Variants in ACSBG1 observed in about 807,000 individuals in gnomAD.
ACSBG1 encodes the protein long-chain-fatty-acid--CoA ligase ACSBG1.
A neutral mutation model predicts 80.2 loss-of-function variants in ACSBG1; 39 were observed. That is an observed-to-expected ratio of 0.49 (90% CI 0.38 to 0.64). The LOEUF (loss-of-function observed/expected upper bound fraction) is 0.64, where lower values mean the gene tolerates loss of function less well. Ranked by LOEUF, ACSBG1 falls within the 30% of genes least tolerant of loss-of-function variation. The pLI is 0.00. For missense variants in ACSBG1, 828 were observed against 966.4 expected, an observed-to-expected ratio of 0.86 and a Z score of 1.90; for synonymous variants, 392 against 379.5, an observed-to-expected ratio of 1.03 and a Z score of -0.38.
intron 1 of ACSBG1, among the ~76,000 whole-genome samples, chr15:78,230,063 T>C (rs1179881652): frequency 6.6e-6 from 1 of 152,184 alleles, no homozygotes; most frequent in East Asian, 1.9e-4. Context: ...CACAATGGGC[T>C]TCCTTAGGCT....
At chr15:78,231,849 A>G (rs940631113) in intron 1 of ACSBG1, among the ~76,000 whole-genome samples, 3 of 152,310 alleles carry the variant, frequency 2.0e-5, no homozygotes, top group South Asian at 2.1e-4. Flanking sequence ...TTGGCCTCCT[A>G]AAGTGCTAGA....
At chr15:78,215,579 C>A (rs1440924837) in intron 1 of ACSBG1, among the ~76,000 whole-genome samples, 1 of 151,918 alleles carries the variant, frequency 6.6e-6, no homozygotes, top group Admixed American at 6.6e-5. Flanking sequence ...TTGCTTGAAC[C>A]TGGGAGGCAG....
intron 1 of ACSBG1, among the ~76,000 whole-genome samples, chr15:78,222,169 T>C (rs2075364063): frequency 6.6e-6 from 1 of 152,242 alleles, no homozygotes; most frequent in South Asian, 2.1e-4. Flanking sequence ...TTGAAAACAT[T>C]ATGTTAAGAG....
rs1481804946 is a variant in ACSBG1, at chr15:78,179,585, G to T, written c.1449C>A (p.His483Gln). ...GGTAGTTGTAGGGACTGGACATGAA[G>T]TGGGGGCCTGAGGTCTCACTGAGGC... is the stretch of plus-strand genomic sequence containing the variant. ...GYGLSETSGP[H>Q]FMSSPYNYRL... Residue 483 changes from histidine (H) to glutamine (Q), a missense_variant, in exon 10 of 14, where the codon CAC becomes CAA. Physicochemically the swap from His to Gln is conservative, Grantham distance 24. Around this residue, in one of 3 missense-constraint regions of ACSBG1, gnomAD observed 271 missense variants for 375.9 expected, o/e 0.72. Coordinates refer to ENST00000258873, the MANE Select transcript of ACSBG1 (RefSeq NM_015162.5). 1 of 1,614,022 alleles carries T rather than the reference G, an allele frequency of 6.2e-7. No individual in the cohort carries two copies. The highest frequency in any genetic ancestry group is 1.3e-5 in the African/African-American group (1 of 74,928).
intron 2 of ACSBG1, 76 bp downstream of exon 2, chr15:78,207,926 C>CCACCCCCCCCCCCACCA: frequency 3.0e-6 from 2 of 662,148 alleles, no homozygotes; most frequent in Non-Finnish European, 2.7e-6. Flanking sequence ...GTCCCCCACA[C>CCACCCCCCCCCCCACCA]CACCCACCCC....
At chr15:78,188,828 A>T (rs2141341106) in intron 5 of ACSBG1, among the ~76,000 whole-genome samples, 1 of 151,140 alleles carries the variant, frequency 6.6e-6, no homozygotes, top group South Asian at 2.1e-4. Flanking sequence ...GACAAATGGG[A>T]TCTAATTAAA....
At chr15:78,174,246 C>G (rs749395622) in intron 12 of ACSBG1, 139 bp downstream of exon 12, 427 of 1,188,142 alleles carry the variant, frequency 3.6e-4, no homozygotes, top group Non-Finnish European at 4.7e-4. Flanking sequence ...TCCTACAGTG[C>G]AGGCAGCACG....
chr15:78,175,792 G>T lies in ACSBG1; in HGVS notation c.1703-1268C>A, dbSNP rs569775937. 3.3e-5 allele frequency among the ~76,000 whole-genome samples: 5 copies of T among 152,226 alleles called. 1 individual carries two copies. The highest frequency in any genetic ancestry group is 3.3e-4 in the Admixed American group (5 of 15,284). ...CATGGCAAGTGTCTATATGATCAGG[G>T]TTTGTCTAGGACAGCAGAAGTCAGG... On this transcript the variant is annotated intron_variant, in intron 11 of 13. Transcript: ENST00000258873.
At chr15:78,194,767 T>A (rs1344895560) in intron 2 of ACSBG1, 41 bp from the exon 3 acceptor site, 4 of 1,588,164 alleles carry the variant, frequency 2.5e-6, no homozygotes, top group Non-Finnish European at 3.4e-6. Flanking sequence ...CATGCCAGCC[T>A]GGGGACACTT....
rs763303156 is a variant in ACSBG1, at chr15:78,179,540, C to T, written c.1484+10G>A. 2.9e-5 allele frequency: 46 copies of T among 1,605,514 alleles called. No homozygotes were observed. The highest frequency in any genetic ancestry group is 4.5e-5 in the East Asian group (2 of 44,626). ...TGGGTGTGCATGTGTGTGGCAGCCT[C>T]GAGCCTCACCTGTACAGCCGGTAGT... is the stretch of plus-strand genomic sequence containing the variant. On this transcript the variant is annotated intron_variant, in intron 10 of 13. Transcript: ENST00000258873.
chr15:78,195,229 C>T (rs74593607), intron 2 of ACSBG1, among the ~76,000 whole-genome samples: 88 of 152,300 alleles, frequency 5.8e-4, no homozygotes, highest in African/African-American at 2.1e-3. Context: ...GTCTCCCAGT[C>T]TCAGAAAATA....
At position 78,207,862 on chromosome 15, in the gene ACSBG1, G is replaced by A. The variant is rs192035595; in HGVS notation, c.232+140C>T. 1,067 of 680,250 alleles carry A rather than the reference G, an allele frequency of 1.6e-3. 10 individuals carry two copies. In the African/African-American group the frequency reaches 0.017, roughly 11 times the overall value. 42.1% of individuals were successfully genotyped at this position (680,250 alleles called of 1,614,324 possible). ...GGAAGGGGCTTGGTGGGGTCCCTGG[G>A]AGCGTGGAACCAGCAAGATCCCCAG... On this transcript the variant is annotated intron_variant, in intron 2 of 13. Coordinates refer to ENST00000258873, the MANE Select transcript of ACSBG1 (RefSeq NM_015162.5).
intron 9 of ACSBG1, among the ~76,000 whole-genome samples, chr15:78,180,158 A>G (rs1885925440): frequency 6.6e-6 from 1 of 152,230 alleles, no homozygotes; most frequent in Non-Finnish European, 1.5e-5. Flanking sequence ...TGAAGCCCAC[A>G]AATGCTTTGT....
intron 1 of ACSBG1, among the ~76,000 whole-genome samples, chr15:78,221,476 A>G (rs1476841753): frequency 1.3e-5 from 2 of 152,210 alleles, no homozygotes; most frequent in Non-Finnish European, 2.9e-5. Flanking sequence ...CTCCAGCCAC[A>G]GGGCAGTTTT....
intron 3 of ACSBG1, among the ~76,000 whole-genome samples, 160 bp downstream of exon 3, chr15:78,194,346 G>A (rs1272453567): frequency 1.3e-5 from 2 of 152,232 alleles, no homozygotes; most frequent in Non-Finnish European, 2.9e-5. Flanking sequence ...TCAGTACGGG[G>A]CCCAGCATGG....
chr15:78,205,659 G>T (rs956680463), intron 2 of ACSBG1, among the ~76,000 whole-genome samples: 1 of 152,196 alleles, frequency 6.6e-6, no homozygotes, highest in South Asian at 2.1e-4. Context: ...TAAAAGGAAA[G>T]AATACAAGAA....
intron 1 of ACSBG1, among the ~76,000 whole-genome samples, chr15:78,208,987 T>C (rs1359264199): frequency 6.6e-6 from 1 of 152,192 alleles, no homozygotes. Context: ...AGTCAACAAC[T>C]ACGTAAACAG....
chr15:78,181,076 T>G, intron 8 of ACSBG1, 140 bp from the exon 9 acceptor site: 1 of 957,672 alleles, frequency 1.0e-6, no homozygotes, highest in Non-Finnish European at 1.5e-6. Flanking sequence ...GGGTGGCACA[T>G]ACTGTTTCCT....
At chr15:78,227,975 G>A (rs569920772) in intron 1 of ACSBG1, among the ~76,000 whole-genome samples, 1 of 152,280 alleles carries the variant, frequency 6.6e-6, no homozygotes, top group East Asian at 1.9e-4. Flanking sequence ...GGAAAGTGAG[G>A]GTGGAGATTG....
Sources: allele counts gnomAD v4.1 joint callset (sites outside exome capture counted in the v4.1 genomes callset), GRCh38; gene constraint gnomAD v4.1.1; regional missense constraint gnomAD v4.1.1; transcripts MANE v1.5; gene names NCBI Gene and HGNC (gene_info 2026-07-23, HGNC 2026-07-21).